The following PRKN variants were observed in gnomAD, a reference collection of about 807,000 sequenced individuals.
The protein encoded by PRKN is parkin RBR E3 ubiquitin protein ligase.
PRKN carries 56 observed loss-of-function variants against 59.5 expected under a neutral mutation model. The ratio of observed to expected loss-of-function variants is 0.94; its 90% confidence interval spans 0.76 to 1.18. PRKN has a LOEUF of 1.18. Ranked by LOEUF, PRKN falls within the 50% of genes most tolerant of loss-of-function variation. The probability of loss-of-function intolerance (pLI) is 0.00; values close to 1 mark genes in which losing one functional copy is unlikely to be tolerated. For missense variants in PRKN, 657 were observed against 596.4 expected (o/e 1.10, Z -1.06); for synonymous variants, 250 against 222.1 (o/e 1.13, Z -1.12).
intron 6 of PRKN, among the ~76,000 whole-genome samples, chr6:161,805,663 G>A (rs1791288449): frequency 6.6e-6 from 1 of 152,146 alleles, no homozygotes; most frequent in Admixed American, 6.5e-5. Context: ...ACACTCTTCT[G>A]ACTTCATTTG....
intron 7 of PRKN, among the ~76,000 whole-genome samples, chr6:161,706,521 C>T (rs1160463526): frequency 6.6e-6 from 1 of 152,130 alleles, no homozygotes; most frequent in Non-Finnish European, 1.5e-5. Context: ...AACTGGCACG[C>T]AGGAAGGAAT....
rs1180536633 is a variant in PRKN, at chr6:161,578,241, T to G, written c.872-8825A>C. 6.6e-6 allele frequency among the ~76,000 whole-genome samples: 1 copy of G among 152,202 alleles called. No individual in the cohort carries two copies. The highest frequency in any genetic ancestry group is 1.5e-5 in the Non-Finnish European group (1 of 68,036). On this transcript the variant is annotated intron_variant, in intron 7 of 11. Coordinates refer to ENST00000366898, the MANE Select transcript of PRKN (RefSeq NM_004562.3). The surrounding 1 kb of genome is among the most constrained non-coding windows in gnomAD (Gnocchi z 4.2). ...GCTGCAGATGAGAATTGAAAGCACCTGCATACACACAGCCTACCTACTGGG... is the reference window on the plus strand; with the variant it reads ...GCTGCAGATGAGAATTGAAAGCACCGGCATACACACAGCCTACCTACTGGG...
At chr6:162,180,827 C>T (rs1783769257) in intron 4 of PRKN, among the ~76,000 whole-genome samples, 1 of 152,180 alleles carries the variant, frequency 6.6e-6, no homozygotes, top group Non-Finnish European at 1.5e-5. Context: ...TCCCCTCCCT[C>T]CTGTATCTCA....
At chr6:162,371,865 G>T (rs1182498577) in intron 2 of PRKN, among the ~76,000 whole-genome samples, 1 of 152,212 alleles carries the variant, frequency 6.6e-6, no homozygotes, top group Admixed American at 6.5e-5. Flanking sequence ...AAACATGGCA[G>T]CCCTGTGGGA....
intron 2 of PRKN, among the ~76,000 whole-genome samples, chr6:162,389,054 A>G (rs1365306646): frequency 6.6e-6 from 1 of 150,980 alleles, no homozygotes; most frequent in Non-Finnish European, 1.5e-5. Flanking sequence ...ATTCTTAGAC[A>G]TTTTATGTAA....
rs539767576 is a variant in PRKN at position 161,870,211 on chromosome 6, T to C, written c.735-84303A>G. 3.5e-4 allele frequency among the ~76,000 whole-genome samples: 54 copies of C among 152,286 alleles called. 1 individual carries two copies. The South Asian group carries it at 0.011, about 31-fold the overall frequency. ...GTTTCCTAATATTAAGATATTGGGC[T>C]GTTCTCAGAGTGCCTACAATTGGGA... On this transcript the variant is annotated intron_variant, in intron 6 of 11. Coordinates refer to ENST00000366898, the MANE Select transcript of PRKN (RefSeq NM_004562.3).
rs1227457641 is a variant in PRKN, at chr6:161,546,361, CTT to C, written c.1083+2491_1083+2492del. On this transcript the variant is annotated intron_variant, in intron 9 of 11. Transcript: ENST00000366898. The surrounding 1 kb of genome is among the most constrained non-coding windows in gnomAD (Gnocchi z 4.4). ...TGAACTTCACACATTCAACGCCACC[CTT>C]TTTAAATCACTGTGGAATTCCTTTA... Among the ~76,000 whole-genome samples the C allele has an allele frequency of 2.6e-5, 4 of 152,070 alleles. No individual in the cohort carries two copies. In the South Asian group the frequency reaches 8.3e-4, roughly 32 times the overall value.
chr6:162,277,329 T>G (rs2128105347), intron 2 of PRKN, among the ~76,000 whole-genome samples: 1 of 152,300 alleles, frequency 6.6e-6, no homozygotes, highest in East Asian at 1.9e-4. Context: ...TACAAAGGAT[T>G]CAGCATTAAC....
chr6:161,514,777 G>C (rs1443380562), intron 9 of PRKN, among the ~76,000 whole-genome samples: 1 of 152,114 alleles, frequency 6.6e-6, no homozygotes, highest in Non-Finnish European at 1.5e-5. Flanking sequence ...GACCAGAAGG[G>C]CTCTGGTTCC....
intron 7 of PRKN, chr6:161,783,665 T>G (rs770308903): frequency 2.0e-6 from 1 of 506,698 alleles, no homozygotes; most frequent in East Asian, 5.7e-5. Context: ...TGTTTGTGGC[T>G]TTGTGAAGGC....
chr6:161,834,845 T>C (rs1330020317), intron 6 of PRKN, among the ~76,000 whole-genome samples: 1 of 152,186 alleles, frequency 6.6e-6, no homozygotes, highest in African/African-American at 2.4e-5. Flanking sequence ...AAGTTTGCCT[T>C]GTTGTACCAT....
chr6:162,597,066 A>T (rs1781521851), intron 1 of PRKN, among the ~76,000 whole-genome samples: 1 of 152,262 alleles, frequency 6.6e-6, no homozygotes, highest in South Asian at 2.1e-4. Flanking sequence ...AGTTCTAGTA[A>T]CTAAAAATAA....
rs1485468078 is a variant in PRKN, at chr6:161,839,990, C to T, written c.735-54082G>A. On this transcript the variant is annotated intron_variant, in intron 6 of 11. Coordinates refer to ENST00000366898, the MANE Select transcript of PRKN (RefSeq NM_004562.3). ...TCTGATGACATTTCTGCAAAAGAGG[C>T]ACTCGCCCATCTCAGGCTCGCCCCT... 2.6e-5 allele frequency among the ~76,000 whole-genome samples: 4 copies of T among 152,230 alleles called. No homozygotes were observed. In the East Asian group the frequency reaches 7.7e-4, roughly 29 times the overall value.
intron 6 of PRKN, among the ~76,000 whole-genome samples, chr6:161,881,975 C>T (rs908036976): frequency 1.3e-5 from 2 of 152,162 alleles, no homozygotes; most frequent in Non-Finnish European, 1.5e-5. Context: ...CCCATCCCCC[C>T]ACCTGAGTTT....
intron 6 of PRKN, among the ~76,000 whole-genome samples, chr6:161,961,303 T>A (rs1185551703): frequency 6.6e-6 from 1 of 152,058 alleles, no homozygotes; most frequent in East Asian, 1.9e-4. Flanking sequence ...TCCAGGGTAA[T>A]ATGCAAGGAG....
chr6:162,484,622 A>G (rs1792459941), intron 1 of PRKN, among the ~76,000 whole-genome samples: 1 of 152,216 alleles, frequency 6.6e-6, no homozygotes, highest in Non-Finnish European at 1.5e-5. Flanking sequence ...TTCCGAATCA[A>G]GAGAGTAACA....
At chr6:162,517,081 T>C (rs1212927882) in intron 1 of PRKN, among the ~76,000 whole-genome samples, 1 of 152,014 alleles carries the variant, frequency 6.6e-6, no homozygotes, top group Non-Finnish European at 1.5e-5. Context: ...AAGGAGGCTC[T>C]CAAGAATACA....
At chr6:162,288,016 G>C (rs1398744795) in intron 2 of PRKN, among the ~76,000 whole-genome samples, 2 of 152,104 alleles carry the variant, frequency 1.3e-5, no homozygotes, top group African/African-American at 4.8e-5. Context: ...AATGCCTCAG[G>C]TTCTGTCTTA....
In PRKN at chr6:162,584,246, C is replaced by CA. The variant is rs55738318; in HGVS notation, c.8-140774dup. The stretch of plus-strand genomic sequence containing the variant: ...AAAACAAAAAACAAAAAACAAAAAA[C>CA]AAAAAAAAAAAAAACACTGACTATA... On this transcript the variant is annotated intron_variant, in intron 1 of 11. Coordinates refer to ENST00000366898, the MANE Select transcript of PRKN (RefSeq NM_004562.3). Among the ~76,000 whole-genome samples, 89 of 117,106 alleles carry CA rather than the reference C, an allele frequency of 7.6e-4. 2 individuals carry two copies. The highest frequency in any genetic ancestry group is 1.7e-3 in the Admixed American group (21 of 12,160). 76.8% of individuals were successfully genotyped at this position (117,106 alleles called of 152,430 possible).
Sources: gnomAD v4.1 joint callset for allele counts (sites outside exome capture counted in the v4.1 genomes callset) on GRCh38, gnomAD v4.1.1 for gene constraint, Gnocchi (gnomAD v3.1) non-coding constraint, MANE v1.5 for transcripts, NCBI Gene and HGNC (gene_info 2026-07-23, HGNC 2026-07-21) for gene names.